Variants in PATJ observed in about 807,000 individuals in gnomAD.
The protein encoded by PATJ is PATJ crumbs cell polarity complex component.
PATJ carries 190 observed loss-of-function variants against 224.9 expected under a neutral mutation model. The observed-to-expected ratio is 0.84, with a 90% CI of 0.75 to 0.95. PATJ has a LOEUF of 0.95. PATJ is among the 40% of genes least tolerant of loss of function. The probability of loss-of-function intolerance (pLI) is 0.00; values close to 1 mark genes in which losing one functional copy is unlikely to be tolerated. For missense variants in PATJ, 2,121 were observed against 2,270.3 expected (o/e 0.93, Z 1.34); for synonymous variants, 769 against 820.3 (o/e 0.94, Z 1.07).
intron 12 of PATJ, among the ~76,000 whole-genome samples, chr1:61,802,564 C>A (rs1184799133): frequency 6.6e-6 from 1 of 152,050 alleles, no homozygotes; most frequent in Non-Finnish European, 1.5e-5. Flanking sequence ...TAGGCGTGAA[C>A]CACCTTAGCT....
At chr1:61,814,519 A>AGTGTGTGTGT (rs67159092) in intron 14 of PATJ, among the ~76,000 whole-genome samples, 3,212 of 143,968 alleles carry the variant, frequency 0.022, 74 homozygotes, top group African/African-American at 0.05. Context: ...CCTTTTGTTT[A>AGTGTGTGTGT]GTGTGTGTGT....
At chr1:62,030,797 C>A (rs1649107787) in intron 29 of PATJ, among the ~76,000 whole-genome samples, 2 of 152,066 alleles carry the variant, frequency 1.3e-5, no homozygotes, top group Non-Finnish European at 2.9e-5. Flanking sequence ...TGTCTGGTTT[C>A]TTTCATTAAC....
chr1:62,019,231 A>C (rs1646941391), intron 29 of PATJ, among the ~76,000 whole-genome samples: 2 of 142,144 alleles, frequency 1.4e-5, no homozygotes, highest in Admixed American at 1.4e-4. Flanking sequence ...GACGACAGAG[A>C]GAGATTGTCT....
chr1:61,940,490 G>A (rs927344842), intron 27 of PATJ, among the ~76,000 whole-genome samples: 5 of 152,150 alleles, frequency 3.3e-5, no homozygotes, highest in South Asian at 4.1e-4. Context: ...GCCGAGATGG[G>A]CGGATCACGA....
intron 4 of PATJ, among the ~76,000 whole-genome samples, chr1:61,767,024 C>T (rs1027636529): frequency 2.0e-5 from 3 of 152,094 alleles, no homozygotes; most frequent in African/African-American, 7.2e-5. Context: ...ACCCCAGAGG[C>T]GGAGGTTGCA....
intron 17 of PATJ, among the ~76,000 whole-genome samples, chr1:61,842,455 T>A (rs1661255109): frequency 6.6e-6 from 1 of 152,220 alleles, no homozygotes. Flanking sequence ...GCTTTCCTTT[T>A]AACACGTGTT....
chr1:61,742,849 CCGCCCCGCCGCG>C, intron 1 of PATJ, among the ~76,000 whole-genome samples: 1 of 151,144 alleles, frequency 6.6e-6, no homozygotes, highest in Non-Finnish European at 1.5e-5. Context: ...ACGGTGGTCC[CCGCCCCGCCGCG>C]CAGGGCTCGC....
intron 28 of PATJ, chr1:61,991,550 C>A: frequency 1.0e-6 from 1 of 985,188 alleles, no homozygotes; most frequent in Non-Finnish European, 1.2e-6. Flanking sequence ...ACTGCCACAG[C>A]TGGCCAGGTG....
chr1:62,132,031 A>G (rs1666319785), intron 41 of PATJ, among the ~76,000 whole-genome samples: 1 of 152,048 alleles, frequency 6.6e-6, no homozygotes, highest in South Asian at 2.1e-4. Flanking sequence ...TATTTTCAGT[A>G]GAGATGGGAT....
intron 39 of PATJ, 85 bp downstream of exon 39, chr1:62,123,143 G>A (rs1665282679): frequency 9.8e-6 from 9 of 919,928 alleles, no homozygotes; most frequent in Admixed American, 4.1e-5. Context: ...ACAGTTTATT[G>A]GATTGTGAGT....
Position 61,864,454 on chromosome 1 carries a change from A to C in PATJ, c.2656A>C (p.Met886Leu), listed in dbSNP as rs772884232. ...GTTATATCAAGATCCCTCACCATCC[A>C]TGGAGTTGTATCCCTTGTCGCACAT... ...YELYQDPSPS[M>L]ELYPLSHIQE... The change falls in exon 20 of 44, where the codon ATG becomes CTG. Residue 886 changes from methionine to leucine, a missense_variant. By Grantham distance (15) the Met-to-Leu change is conservative. Transcript: ENST00000642238. 1.2e-6 allele frequency: 2 copies of C among 1,613,974 alleles called. No homozygotes were observed. Among genetic ancestry groups the C allele is most frequent in the South Asian group, 2.2e-5 (2 of 91,076 alleles).
chr1:61,774,309 A>C (rs1387679501), intron 6 of PATJ, among the ~76,000 whole-genome samples: 4 of 151,980 alleles, frequency 2.6e-5, no homozygotes. Flanking sequence ...AAAGAAAGAA[A>C]AACTAAGTAA....
At chr1:61,846,338 A>T (rs1334310446) in intron 17 of PATJ, among the ~76,000 whole-genome samples, 1 of 152,210 alleles carries the variant, frequency 6.6e-6, no homozygotes, top group Non-Finnish European at 1.5e-5. Flanking sequence ...TTAAGTTGAC[A>T]GTGATTTGTT....
chr1:62,007,342 A>T (rs936614638), intron 28 of PATJ, among the ~76,000 whole-genome samples: 2 of 152,262 alleles, frequency 1.3e-5, no homozygotes, highest in African/African-American at 4.8e-5. Flanking sequence ...TTTGTCAGTA[A>T]TCAGATGAGG....
chr1:62,105,249 C>T (rs1662761451), intron 33 of PATJ, among the ~76,000 whole-genome samples: 1 of 152,092 alleles, frequency 6.6e-6, no homozygotes, highest in Non-Finnish European at 1.5e-5. Context: ...GGGGTCTTTT[C>T]TTTCTTTTGA....
At chr1:62,132,162 T>G (rs1666332137) in intron 41 of PATJ, among the ~76,000 whole-genome samples, 1 of 152,138 alleles carries the variant, frequency 6.6e-6, no homozygotes, top group South Asian at 2.1e-4. Flanking sequence ...GAATTATTAG[T>G]AGCATGGGGA....
At chr1:61,997,319 G>A (rs1019312505) in intron 28 of PATJ, among the ~76,000 whole-genome samples, 2 of 152,084 alleles carry the variant, frequency 1.3e-5, no homozygotes, top group Non-Finnish European at 2.9e-5. Flanking sequence ...TCTGCAACCC[G>A]GTTCACAACT....
intron 27 of PATJ, among the ~76,000 whole-genome samples, chr1:61,980,578 C>G (rs1281748797): frequency 6.6e-6 from 1 of 151,900 alleles, no homozygotes; most frequent in African/African-American, 2.4e-5. Context: ...AAAGAATACT[C>G]TTTACTCCAC....
intron 1 of PATJ, among the ~76,000 whole-genome samples, chr1:61,751,830 A>T (rs150043858): frequency 0.011 from 1,643 of 150,586 alleles, 26 homozygotes; most frequent in African/African-American, 0.034. Flanking sequence ...TGTCTCAAAA[A>T]AATAATAATA....
Sources: allele counts gnomAD v4.1 joint callset (sites outside exome capture counted in the v4.1 genomes callset), GRCh38; gene constraint gnomAD v4.1.1; transcripts MANE v1.5; gene names NCBI Gene and HGNC (gene_info 2026-07-23, HGNC 2026-07-21).